The following ADAM18 variants were observed in gnomAD, a reference collection of about 807,000 sequenced individuals.
ADAM18 encodes disintegrin and metalloproteinase domain-containing protein 18.
Under a neutral mutation model 94.4 loss-of-function variants are expected in ADAM18, and 117 were observed. The ratio of observed to expected loss-of-function variants is 1.24; its 90% confidence interval spans 1.07 to 1.45. ADAM18 has a LOEUF of 1.45. ADAM18 is among the 40% of genes most tolerant of loss of function. ADAM18 has a pLI of 0.00. For synonymous variants in ADAM18, 327 were observed against 291.6 expected, an observed-to-expected ratio of 1.12 and a Z score of -1.24; for missense variants, 936 against 880.0, an observed-to-expected ratio of 1.06 and a Z score of -0.81.
Position 39,729,502 on chromosome 8 carries a change from T to C in ADAM18, c.2178-396T>C, listed in dbSNP as rs529531198. ...AAAAAATAAAGACTAACCTTTTATT[T>C]TGTCTCCCTAAGCTGTAGGTTTTTC... On this transcript the variant is annotated intron_variant, in intron 19 of 19. Coordinates refer to ENST00000265707, the MANE Select transcript of ADAM18 (RefSeq NM_014237.3). 5.9e-5 allele frequency among the ~76,000 whole-genome samples: 9 copies of C among 152,280 alleles called. No individual in the cohort carries two copies. In the South Asian group the frequency reaches 1.9e-3, roughly 32 times the overall value.
chr8:39,624,885 T>A (rs1334821264), intron 6 of ADAM18, among the ~76,000 whole-genome samples: 1 of 152,168 alleles, frequency 6.6e-6, no homozygotes, highest in Non-Finnish European at 1.5e-5. Flanking sequence ...TTTTCTGAGG[T>A]TTCCCAGAAG....
In ADAM18 at chr8:39,658,085, C is replaced by T. The variant is rs115171585; in HGVS notation, c.1231-5710C>T. Among the ~76,000 whole-genome samples the T allele has an allele frequency of 6.6e-3, 1,005 of 152,294 alleles. 13 individuals carry two copies. The highest frequency in any genetic ancestry group is 0.023 in the African/African-American group (952 of 41,558). On this transcript the variant is annotated intron_variant, in intron 12 of 19. Coordinates refer to ENST00000265707, the MANE Select transcript of ADAM18 (RefSeq NM_014237.3). ...CTTTGAGCTGAGATTACCAATGGCA[C>T]TCCTGCTGATGCAAATTAATAATTT...
chr8:39,686,597 G>A (rs763126411), intron 16 of ADAM18, among the ~76,000 whole-genome samples: 11 of 152,240 alleles, frequency 7.2e-5, no homozygotes, highest in Admixed American at 6.5e-4. Flanking sequence ...CAAATATTCC[G>A]ACCACAGCAT....
rs376111910 is a variant in ADAM18 at position 39,656,695 on chromosome 8, C to T, written c.1231-7100C>T. Reference sequence around the variant, plus strand: ...ACATAAATGTGACAGGAGATATGTACTCAGATAAAGAATACATATAAATCA... The same window carrying T: ...ACATAAATGTGACAGGAGATATGTATTCAGATAAAGAATACATATAAATCA... On this transcript the variant is annotated intron_variant, in intron 12 of 19. Transcript: ENST00000265707. 5.3e-5 allele frequency among the ~76,000 whole-genome samples: 8 copies of T among 152,154 alleles called. 1 individual carries two copies. The East Asian group carries it at 1.5e-3, about 29-fold the overall frequency.
At chr8:39,703,770 C>A (rs1822153358) in intron 17 of ADAM18, among the ~76,000 whole-genome samples, 1 of 151,668 alleles carries the variant, frequency 6.6e-6, no homozygotes. Context: ...TTAACCAATT[C>A]AGGAGTTTAT....
At chr8:39,637,732 A>C (rs1438289773) in intron 9 of ADAM18, 29 bp downstream of exon 9, 9 of 1,474,616 alleles carry the variant, frequency 6.1e-6, no homozygotes, top group Non-Finnish European at 7.2e-6. Flanking sequence ...ATTAATAAAG[A>C]TATCTGCATA....
chr8:39,637,047 A>ATG (rs1563285268), intron 7 of ADAM18, among the ~76,000 whole-genome samples: 1 of 130,790 alleles, frequency 7.6e-6, no homozygotes, highest in African/African-American at 2.7e-5. Context: ...ATATATATAT[A>ATG]TATATATATA....
chr8:39,606,396 G>A lies in ADAM18; in HGVS notation c.188+34G>A, dbSNP rs570065419. 6.4e-6 allele frequency: 9 copies of A among 1,396,050 alleles called. No individual in the cohort carries two copies. In the South Asian group the frequency reaches 1.0e-4, roughly 16 times the overall value. 86.5% of individuals were successfully genotyped at this position (1,396,050 alleles called of 1,614,324 possible). A position where few individuals can be genotyped will look rare whatever the true frequency, so the allele number is the denominator to read the frequency against. On this transcript the variant is annotated intron_variant, in intron 3 of 19. Coordinates refer to ENST00000265707, the MANE Select transcript of ADAM18 (RefSeq NM_014237.3). ...TGATTTTTTTTTCATTAAGGAAAAG[G>A]GAAAGCTTTAAGTTTAGATTTTACA...
At chr8:39,640,511 C>G (rs1410199527) in intron 10 of ADAM18, among the ~76,000 whole-genome samples, 1 of 152,032 alleles carries the variant, frequency 6.6e-6, no homozygotes, top group Non-Finnish European at 1.5e-5. Context: ...GTCTTTATTA[C>G]AGAATGATTT....
intron 12 of ADAM18, among the ~76,000 whole-genome samples, chr8:39,657,162 G>T (rs1385911167): frequency 2.0e-5 from 3 of 152,038 alleles, no homozygotes; most frequent in Non-Finnish European, 4.4e-5. Context: ...AAAACAAAGT[G>T]GTTGAATTCA....
At chr8:39,600,375 T>G (rs1354149585) in intron 2 of ADAM18, among the ~76,000 whole-genome samples, 1 of 152,210 alleles carries the variant, frequency 6.6e-6, no homozygotes, top group Non-Finnish European at 1.5e-5. Context: ...TGATTTATAT[T>G]TTAATTTGAT....
At chr8:39,614,342 T>A (rs928946388) in intron 6 of ADAM18, among the ~76,000 whole-genome samples, 1 of 152,184 alleles carries the variant, frequency 6.6e-6, no homozygotes, top group Non-Finnish European at 1.5e-5. Flanking sequence ...AAAATAAATT[T>A]CAACCAAGAA....
chr8:39,688,489 GT>G (rs1213402374), intron 16 of ADAM18, among the ~76,000 whole-genome samples: 1 of 152,066 alleles, frequency 6.6e-6, no homozygotes, highest in African/African-American at 2.4e-5. Context: ...GCAGTATTTA[GT>G]TTTCTATTCC....
At chr8:39,637,792 T>C (rs903287547) in intron 9 of ADAM18, 89 bp downstream of exon 9, 4 of 1,264,252 alleles carry the variant, frequency 3.2e-6, no homozygotes, top group Admixed American at 3.0e-5. Context: ...TTCAGTTTTT[T>C]GTAAGCCCCT....
chr8:39,692,470 TTA>T (rs1193348823), intron 16 of ADAM18, 128 bp from the exon 17 acceptor site: 1 of 438,954 alleles, frequency 2.3e-6, no homozygotes, highest in East Asian at 3.5e-5. Flanking sequence ...CATATTAATA[TTA>T]GTCATATTAA....
chr8:39,681,220 C>A (rs75371078), intron 16 of ADAM18, among the ~76,000 whole-genome samples: 12,575 of 152,282 alleles, frequency 0.083, 705 homozygotes, highest in Non-Finnish European at 0.12. Context: ...TTTGCTGAAG[C>A]AAGCTGCCTT....
At chr8:39,684,699 T>G (rs1209254412) in intron 16 of ADAM18, among the ~76,000 whole-genome samples, 1 of 152,224 alleles carries the variant, frequency 6.6e-6, no homozygotes, top group Non-Finnish European at 1.5e-5. Flanking sequence ...TGCCCTAGTA[T>G]GATGAGAGAA....
chr8:39,720,071 G>A (rs1178302358), intron 18 of ADAM18, among the ~76,000 whole-genome samples: 1 of 57,110 alleles, frequency 1.8e-5, no homozygotes, highest in African/African-American at 3.7e-5. Context: ...TAAATCAACA[G>A]ATGATGGCTA....
At chr8:39,658,077 C>T (rs1238608336) in intron 12 of ADAM18, among the ~76,000 whole-genome samples, 1 of 152,114 alleles carries the variant, frequency 6.6e-6, no homozygotes, top group Non-Finnish European at 1.5e-5. Context: ...CTGAGATTAC[C>T]AATGGCACTC....
Sources: gnomAD v4.1 joint callset for allele counts (sites outside exome capture counted in the v4.1 genomes callset) on GRCh38, gnomAD v4.1.1 for gene constraint, MANE v1.5 for transcripts, NCBI Gene and HGNC (gene_info 2026-07-23, HGNC 2026-07-21) for gene names.